Variants in BUB1B observed in about 807,000 individuals in gnomAD.
BUB1B encodes the protein mitotic checkpoint serine/threonine-protein kinase BUB1 beta.
A neutral mutation model predicts 137.7 loss-of-function variants in BUB1B; 86 were observed. That is an observed-to-expected ratio of 0.62 (90% CI 0.52 to 0.75). BUB1B has a LOEUF of 0.75. Among genes scored for constraint, BUB1B ranks in the 30% least tolerant of loss-of-function variants. The pLI, the probability that BUB1B is intolerant of heterozygous loss-of-function variation, is 0.00. For synonymous variants in BUB1B, 420 were observed against 417.9 expected (o/e 1.00, Z -0.06); for missense variants, 1,130 against 1,236.9 (o/e 0.91, Z 1.30).
intron 12 of BUB1B, among the ~76,000 whole-genome samples, chr15:40,202,071 G>A (rs1300240779): frequency 6.6e-6 from 1 of 152,024 alleles, no homozygotes; most frequent in Non-Finnish European, 1.5e-5. Context: ...ATCATGTTTT[G>A]GGATTGGGAT....
chr15:40,173,667 CAT>C (rs2037191593), intron 4 of BUB1B, among the ~76,000 whole-genome samples: 1 of 152,206 alleles, frequency 6.6e-6, no homozygotes, highest in Non-Finnish European at 1.5e-5. Flanking sequence ...GGAACACACA[CAT>C]ACACACAATA....
At chr15:40,167,686 A>T (rs2140880109) in intron 2 of BUB1B, among the ~76,000 whole-genome samples, 1 of 150,844 alleles carries the variant, frequency 6.6e-6, no homozygotes, top group African/African-American at 2.4e-5. Context: ...TTTTTCTTAA[A>T]TTTTTCCTTG....
Position 40,210,207 on chromosome 15 carries a change from A to G in BUB1B, c.2382A>G (p.Ile794Met), listed in dbSNP as rs1201240905. ...GAAACTCTGCAGAATTAACAGTAAT[A>G]AAGGTGGGACTGATTCTTTATAATT... ...APRNSAELTV[I>M]KVSSQPVPWD... Residue 794 changes from isoleucine (I) to methionine (M), a missense_variant, in exon 18 of 23, where the codon ATA becomes ATG. By Grantham distance (10) the Ile-to-Met change is conservative (BLOSUM62 1). Coordinates refer to ENST00000287598, the MANE Select transcript of BUB1B (RefSeq NM_001211.6). The G allele has an allele frequency of 3.8e-6, 6 of 1,591,174 alleles. No individual in the cohort carries two copies. Among genetic ancestry groups the G allele is most frequent in the Non-Finnish European group, 5.2e-6 (6 of 1,159,402 alleles).
chr15:40,212,766 A>G (rs1336317622), intron 19 of BUB1B, 118 bp downstream of exon 19: 4 of 932,784 alleles, frequency 4.3e-6, no homozygotes, highest in South Asian at 1.5e-5. Context: ...CAATTCAAGT[A>G]TAAGTTAGAA....
chr15:40,186,540 GT>G (rs1437163773), intron 8 of BUB1B, among the ~76,000 whole-genome samples: 5 of 147,618 alleles, frequency 3.4e-5, no homozygotes, highest in Non-Finnish European at 5.9e-5. Flanking sequence ...TGCCTCCCAG[GT>G]TCACGCCATT....
chr15:40,220,127 A>G (rs546281093), intron 22 of BUB1B, among the ~76,000 whole-genome samples: 1 of 152,360 alleles, frequency 6.6e-6, no homozygotes, highest in East Asian at 1.9e-4. Flanking sequence ...GTACAAACAT[A>G]TTAAGCAGTA....
Position 40,202,575 on chromosome 15 carries a change from A to G in BUB1B, c.1629-14A>G, listed in dbSNP as rs369949346. On this transcript the variant is annotated splice_polypyrimidine_tract_variant and intron_variant, in intron 13 of 22. Coordinates refer to ENST00000287598, the MANE Select transcript of BUB1B (RefSeq NM_001211.6). ...TATGAAAAAAATTGCTAAGTGAGGT[A>G]TGTCTTTTTCCAGTCCTCCTGCAGA... 2.0e-5 allele frequency: 32 copies of G among 1,611,672 alleles called. No individual in the cohort carries two copies. Among genetic ancestry groups the G allele is most frequent in the Non-Finnish European group, 2.6e-5 (31 of 1,177,932 alleles).
At chr15:40,161,778 T>A (rs1420729044) in intron 1 of BUB1B, among the ~76,000 whole-genome samples, 1 of 152,220 alleles carries the variant, frequency 6.6e-6, no homozygotes, top group Non-Finnish European at 1.5e-5. Flanking sequence ...AGCCTTTTTC[T>A]GCATGTTTGC....
At position 40,204,635 on chromosome 15, in the gene BUB1B, A is replaced by G. The variant is rs138185845; in HGVS notation, c.1735-1549A>G. Among the ~76,000 whole-genome samples the G allele has an allele frequency of 9.9e-5, 15 of 151,170 alleles. No homozygotes were observed. The East Asian group carries it at 2.9e-3, about 29-fold the overall frequency. On this transcript the variant is annotated intron_variant, in intron 14 of 22. Coordinates refer to ENST00000287598, the MANE Select transcript of BUB1B (RefSeq NM_001211.6). Reference sequence around the variant, plus strand: ...TAAATACATATATATGTATATATATATTTTTTTCTTTTTCTTTTTTAGACA... The same window carrying G: ...TAAATACATATATATGTATATATATGTTTTTTTCTTTTTCTTTTTTAGACA...
intron 5 of BUB1B, among the ~76,000 whole-genome samples, chr15:40,180,260 T>TC (rs1363050678): frequency 7.0e-6 from 1 of 143,408 alleles, no homozygotes; most frequent in Non-Finnish European, 1.5e-5. Flanking sequence ...TCTTTTTTTT[T>TC]TTTTTTTTTT....
chr15:40,198,577 G>A (rs2037527090), intron 9 of BUB1B, among the ~76,000 whole-genome samples: 2 of 152,116 alleles, frequency 1.3e-5, no homozygotes, highest in Non-Finnish European at 1.5e-5. Context: ...CACAATCAGG[G>A]CCTACACAAA....
intron 17 of BUB1B, 63 bp from the exon 18 acceptor site, chr15:40,210,047 T>C: frequency 7.4e-7 from 1 of 1,352,146 alleles, no homozygotes; most frequent in Non-Finnish European, 1.1e-6. Flanking sequence ...AACCAGGAGG[T>C]AAAAGCTACA....
intron 2 of BUB1B, among the ~76,000 whole-genome samples, chr15:40,165,596 A>G (rs1301548416): frequency 6.6e-6 from 1 of 152,232 alleles, no homozygotes; most frequent in Non-Finnish European, 1.5e-5. Flanking sequence ...AATTGAATTT[A>G]TACCAGAAAG....
intron 14 of BUB1B, among the ~76,000 whole-genome samples, chr15:40,203,116 T>C (rs2037595196): frequency 6.6e-6 from 1 of 152,194 alleles, no homozygotes; most frequent in Non-Finnish European, 1.5e-5. Context: ...CAAATGTTCA[T>C]AGCCGTATTA....
At chr15:40,200,816 T>C in intron 11 of BUB1B, 115 bp from the exon 12 acceptor site, 1 of 837,082 alleles carries the variant, frequency 1.2e-6, no homozygotes, top group Non-Finnish European at 1.9e-6. Flanking sequence ...TTGACAGTAA[T>C]AATTTATCTT....
At chr15:40,202,728 G>A (rs748953340) in intron 14 of BUB1B, 34 bp downstream of exon 14, 27 of 1,542,564 alleles carry the variant, frequency 1.8e-5, no homozygotes, top group Non-Finnish European at 2.2e-5. Flanking sequence ...AATGTAAATG[G>A]GCTAGTGGAT....
chr15:40,182,108 G>A (rs577914718), intron 5 of BUB1B, among the ~76,000 whole-genome samples: 1 of 152,220 alleles, frequency 6.6e-6, no homozygotes, highest in Non-Finnish European at 1.5e-5. Context: ...GGAGGCTGAA[G>A]CAGGAGAATC....
intron 5 of BUB1B, among the ~76,000 whole-genome samples, chr15:40,179,964 AG>A (rs2037264494): frequency 2.1e-5 from 2 of 97,348 alleles, no homozygotes; most frequent in East Asian, 2.1e-4. Context: ...TGCTTTCAAA[AG>A]CCATATATAT....
At chr15:40,198,715 C>T (rs771289087) in intron 9 of BUB1B, among the ~76,000 whole-genome samples, 34 of 152,172 alleles carry the variant, frequency 2.2e-4, no homozygotes, top group Non-Finnish European at 4.4e-4. Flanking sequence ...GTACTCACCT[C>T]AGACTTTTCA....
Sources: gnomAD v4.1 joint callset for allele counts (sites outside exome capture counted in the v4.1 genomes callset) on GRCh38, gnomAD v4.1.1 for gene constraint, MANE v1.5 for transcripts, NCBI Gene and HGNC (gene_info 2026-07-23, HGNC 2026-07-21) for gene names.